Variants in MED19 observed in about 807,000 individuals in gnomAD.
The protein encoded by MED19 is mediator complex subunit 19, also known as mediator of RNA polymerase II transcription subunit 19.
MED19 carries 4 observed loss-of-function variants against 19.9 expected under a neutral mutation model. The observed-to-expected ratio is 0.20, with a 90% CI of 0.10 to 0.46. The LOEUF is 0.46. Among genes scored for constraint, MED19 ranks in the 20% least tolerant of loss-of-function variants. The pLI, the probability that MED19 is intolerant of heterozygous loss-of-function variation, is 0.99. For synonymous variants in MED19, 139 were observed against 119.6 expected (o/e 1.16, Z -1.06); for missense variants, 303 against 318.7 (o/e 0.95, Z 0.38).
intron 1 of MED19, among the ~76,000 whole-genome samples, chr11:57,708,303 T>C (rs1349783392): frequency 2.0e-5 from 3 of 152,112 alleles, no homozygotes; most frequent in Non-Finnish European, 4.4e-5. Context: ...AAGCTCAAAT[T>C]CCTTTGACTG....
intron 1 of MED19, among the ~76,000 whole-genome samples, chr11:57,707,295 A>T (rs531371548): frequency 1.3e-5 from 2 of 152,306 alleles, no homozygotes; most frequent in East Asian, 3.9e-4. Flanking sequence ...TTTATTAGTA[A>T]CTTAATAAGG....
exon 5 of MED19, chr11:57,703,897 C>G (rs771115258): frequency 4.5e-6 from 6 of 1,339,732 alleles, no homozygotes; most frequent in Non-Finnish European, 5.9e-6. Flanking sequence ...TACTTAGTCT[C>G]AACTGAGCCC....
At chr11:57,706,204 G>A (rs1038612701) in intron 1 of MED19, among the ~76,000 whole-genome samples, 27 of 152,084 alleles carry the variant, frequency 1.8e-4, no homozygotes, top group Admixed American at 1.7e-3. Context: ...GGAGTGCAGT[G>A]GGGTACGATC....
In MED19 at chr11:57,711,892, G is replaced by A. The variant is rs535693286; in HGVS notation, c.217+71C>T. 133 of 1,366,248 alleles carry A rather than the reference G, an allele frequency of 9.7e-5. No homozygotes were observed. The African/African-American group carries it at 1.7e-3, about 17-fold the overall frequency. 84.6% of individuals were successfully genotyped at this position (1,366,248 alleles called of 1,614,324 possible). On this transcript the variant is annotated intron_variant, in intron 1 of 4. Coordinates refer to ENST00000431606, the Ensembl canonical transcript of MED19. The stretch of plus-strand genomic sequence containing the variant: ...AGGTTACCTCGCACCTCCGCTAGCC[G>A]GCTGAGAGCCACGCCCATCACCTCC...
At chr11:57,703,871 CCT>C (rs371408207) in exon 5 of MED19, 2 of 1,036,552 alleles carry the variant, frequency 1.9e-6, no homozygotes, top group Non-Finnish European at 2.6e-6. Context: ...AAAGCATGTC[CCT>C]CTCTCTCCTA....
In MED19 at chr11:57,705,002, G is replaced by A. The variant is rs780379572; in HGVS notation, c.445C>T (p.Leu149=). ...CCAGTGTGGAGGCGGAAGCCGGCCA[G>A]CATGGTCCCTGTGATAGGATTGAAA... Residue 149 remains leucine, a synonymous_variant, in exon 2 of 5, where the codon CTG becomes TTG. Transcript: ENST00000431606. 1.9e-6 allele frequency: 3 copies of A among 1,613,810 alleles called. No individual in the cohort carries two copies. In the African/African-American group the frequency reaches 4.0e-5, roughly 22 times the overall value.
intron 1 of MED19, among the ~76,000 whole-genome samples, chr11:57,711,356 C>T (rs1414048350): frequency 6.6e-6 from 1 of 151,992 alleles, no homozygotes; most frequent in African/African-American, 2.4e-5. Flanking sequence ...AAACTCAAAC[C>T]CTGGATTTTG....
intron 1 of MED19, among the ~76,000 whole-genome samples, chr11:57,710,799 G>C (rs901055636): frequency 6.6e-6 from 1 of 151,890 alleles, no homozygotes; most frequent in Non-Finnish European, 1.5e-5. Flanking sequence ...GTGTTCAAGC[G>C]ATTCTCCTCC....
At chr11:57,708,319 C>G (rs924167643) in intron 1 of MED19, among the ~76,000 whole-genome samples, 1 of 152,124 alleles carries the variant, frequency 6.6e-6, no homozygotes, top group African/African-American at 2.4e-5. Context: ...GACTGGCACT[C>G]AAGGCTAATT....
rs568137380 is a variant in MED19, at chr11:57,711,884, C to T, written c.217+79G>A. On this transcript the variant is annotated intron_variant, in intron 1 of 4. Coordinates refer to ENST00000431606, the Ensembl canonical transcript of MED19. ...CGTTGCCTAGGTTACCTCGCACCTC[C>T]GCTAGCCGGCTGAGAGCCACGCCCA... The T allele has an allele frequency of 6.6e-6, 9 of 1,365,868 alleles. 1 individual carries two copies. The highest frequency in any genetic ancestry group is 1.5e-5 in the African/African-American group (1 of 65,986). 84.6% of individuals were successfully genotyped at this position (1,365,868 alleles called of 1,614,324 possible). A position where few individuals can be genotyped will look rare whatever the true frequency, so the allele number is the denominator to read the frequency against.
At chr11:57,707,197 C>CAA (rs754457524) in intron 1 of MED19, among the ~76,000 whole-genome samples, 5 of 57,886 alleles carry the variant, frequency 8.6e-5, no homozygotes, top group East Asian at 9.1e-4. Flanking sequence ...GATTCCATCT[C>CAA]AAAAAAAAAA....
intron 1 of MED19, among the ~76,000 whole-genome samples, chr11:57,709,109 C>T (rs1240937847): frequency 1.3e-5 from 2 of 152,286 alleles, no homozygotes; most frequent in East Asian, 3.9e-4. Context: ...AGGCTGGGCG[C>T]AGTGGCTCAC....
intron 4 of MED19, 74 bp from the exon 5 acceptor site, chr11:57,704,180 C>G (rs1314168811): frequency 6.5e-7 from 1 of 1,529,532 alleles, no homozygotes; most frequent in South Asian, 1.2e-5. Context: ...CAGGAGAAAC[C>G]TGCAACCTGC....
At chr11:57,704,903 AG>A (rs1946489646) in intron 2 of MED19, 69 bp downstream of exon 2, 1 of 1,603,488 alleles carries the variant, frequency 6.2e-7, no homozygotes, top group Non-Finnish European at 8.5e-7. Context: ...ATGAAGGAAC[AG>A]ACTTGGAGAG....
chr11:57,703,989 G>T (rs575532480), exon 5 of MED19: 3 of 1,534,020 alleles, frequency 2.0e-6, no homozygotes, highest in East Asian at 4.9e-5. Flanking sequence ...TTATCAGCAG[G>T]TTCAGTACAG....
intron 1 of MED19, among the ~76,000 whole-genome samples, chr11:57,711,404 G>A (rs534720843): frequency 7.2e-5 from 11 of 152,324 alleles, no homozygotes; most frequent in African/African-American, 2.6e-4. Context: ...CCAGGCTGGA[G>A]TGCAGTGGAG....
intron 1 of MED19, among the ~76,000 whole-genome samples, chr11:57,710,296 A>G (rs1278655439): frequency 1.3e-5 from 2 of 152,194 alleles, no homozygotes; most frequent in Non-Finnish European, 2.9e-5. Flanking sequence ...TAGGAACTGG[A>G]GGTTACAGTG....
At position 57,711,998 on chromosome 11, in the gene MED19, C is replaced by T. The variant is rs946828656; in HGVS notation, c.182G>A (p.Gly61Asp). ...CCTCATGAGGTAAAAAGGGCCACAG[C>T]CAGCTCCTGACTTGTCCGCGCCAGG... Residue 61 changes from glycine (G) to aspartate (D), a missense_variant, in exon 1 of 5, where the codon GGC becomes GAC. Gly to Asp is a moderately conservative substitution (Grantham distance 94). This residue lies in a region of MED19 where 274 missense variants were observed against 259.2 expected (regional missense o/e 1.06). Transcript: ENST00000431606. The T allele has an allele frequency of 1.3e-5, 20 of 1,514,600 alleles. No homozygotes were observed. Among genetic ancestry groups the T allele is most frequent in the Non-Finnish European group, 1.8e-5 (20 of 1,126,332 alleles). 93.8% of individuals were successfully genotyped at this position (1,514,600 alleles called of 1,614,324 possible). A position where few individuals can be genotyped will look rare whatever the true frequency, so the allele number is the denominator to read the frequency against.
At chr11:57,704,743 G>A (rs764966770) in exon 3 of MED19, 7 of 1,603,728 alleles carry the variant, frequency 4.4e-6, no homozygotes, top group East Asian at 2.2e-5. Flanking sequence ...TCCTGGGTAC[G>A]GCTCTGTTTG....
Sources: allele counts gnomAD v4.1 joint callset (sites outside exome capture counted in the v4.1 genomes callset), GRCh38; gene constraint gnomAD v4.1.1; regional missense constraint gnomAD v4.1.1; transcripts MANE v1.5; gene names NCBI Gene and HGNC (gene_info 2026-07-23, HGNC 2026-07-21).